Variants in GDA observed in about 807,000 individuals in gnomAD.
GDA encodes the protein cytoplasmic PSD-95 interactor.
In GDA, 18 loss-of-function variants were observed where a neutral mutation model predicts 59.6. That is an observed-to-expected ratio of 0.30 (90% CI 0.21 to 0.45). The LOEUF (loss-of-function observed/expected upper bound fraction) is 0.45. GDA is among the 20% of genes least tolerant of loss of function. The pLI is 1.00. For synonymous variants in GDA, 201 were observed against 201.1 expected (o/e 1.00, Z 0.00); for missense variants, 427 against 552.3 (o/e 0.77, Z 2.27).
intron 1 of GDA, among the ~76,000 whole-genome samples, chr9:72,143,546 C>T (rs920856231): frequency 2.6e-5 from 4 of 152,172 alleles, no homozygotes; most frequent in African/African-American, 9.7e-5. Context: ...AAACAGCTGC[C>T]TACATACTAC....
downstream of GDA, among the ~76,000 whole-genome samples, chr9:72,254,410 TA>T (rs1840840839): frequency 4.6e-5 from 7 of 151,438 alleles, no homozygotes. Flanking sequence ...CTAAAAAAAG[TA>T]AAAAATAAAT....
intron 8 of GDA, among the ~76,000 whole-genome samples, chr9:72,227,566 A>G (rs1327198925): frequency 6.6e-6 from 1 of 152,162 alleles, no homozygotes; most frequent in East Asian, 1.9e-4. Flanking sequence ...GTTGCTTCCC[A>G]TATAAACTTA....
At chr9:72,178,138 A>G (rs1830747114) in intron 1 of GDA, among the ~76,000 whole-genome samples, 2 of 152,232 alleles carry the variant, frequency 1.3e-5, no homozygotes, top group South Asian at 4.1e-4. Context: ...GTGACTAGCC[A>G]CACATACTTT....
chr9:72,199,973 A>G lies in GDA; in HGVS notation c.213-2598A>G, dbSNP rs1242531697. On this transcript the variant is annotated intron_variant, in intron 2 of 13. Coordinates refer to ENST00000358399, the MANE Select transcript of GDA (RefSeq NM_004293.5). ...CAACTTCTAGAGTTACCTATATAAG[A>G]CCCTCAAATCTGAATCCTTTCTTTT... Among the ~76,000 whole-genome samples, 3 of 143,918 alleles carry G rather than the reference A, an allele frequency of 2.1e-5. No homozygotes were observed. In the East Asian group the frequency reaches 6.0e-4, roughly 29 times the overall value. The allele number at this position is 143,918 out of a possible 152,430, so 94.4% of individuals were successfully genotyped here.
chr9:72,176,282 C>T (rs1388309892), intron 1 of GDA, among the ~76,000 whole-genome samples: 1 of 152,158 alleles, frequency 6.6e-6, no homozygotes, highest in Non-Finnish European at 1.5e-5. Flanking sequence ...GAAAGCTCCC[C>T]CTAGACAACC....
chr9:72,191,499 T>A (rs1056524306), intron 1 of GDA, among the ~76,000 whole-genome samples: 11 of 135,534 alleles, frequency 8.1e-5, no homozygotes, highest in South Asian at 2.3e-4. Context: ...TGAGACGGAG[T>A]CTTGCTCTTT....
intron 1 of GDA, among the ~76,000 whole-genome samples, chr9:72,185,427 C>T (rs948054880): frequency 2.6e-5 from 4 of 152,148 alleles, no homozygotes; most frequent in African/African-American, 7.2e-5. Context: ...TAACATTATT[C>T]GCCCCATTGT....
At chr9:72,159,435 C>A (rs1052280330) in intron 1 of GDA, among the ~76,000 whole-genome samples, 1 of 151,918 alleles carries the variant, frequency 6.6e-6, no homozygotes, top group African/African-American at 2.4e-5. Context: ...ATAGAACAAA[C>A]CTTTCTCAGC....
intron 1 of GDA, among the ~76,000 whole-genome samples, chr9:72,119,819 A>T (rs530299055): frequency 7.9e-5 from 12 of 152,214 alleles, no homozygotes; most frequent in Non-Finnish European, 1.5e-4. Flanking sequence ...AAGCACAGAG[A>T]ACCAATTAGT....
chr9:72,234,984 C>A (rs551414556), intron 10 of GDA, among the ~76,000 whole-genome samples: 13 of 152,214 alleles, frequency 8.5e-5, no homozygotes, highest in African/African-American at 3.1e-4. Context: ...AAAATATTTT[C>A]CTTAGGAACC....
chr9:72,235,436 T>C (rs1838866106), intron 10 of GDA, among the ~76,000 whole-genome samples: 1 of 152,230 alleles, frequency 6.6e-6, no homozygotes, highest in African/African-American at 2.4e-5. Context: ...TTCTGTCTTA[T>C]AATTTTATTA....
At chr9:72,200,391 T>C (rs184331250) in intron 2 of GDA, among the ~76,000 whole-genome samples, 6 of 151,866 alleles carry the variant, frequency 4.0e-5, no homozygotes, top group Middle Eastern at 3.4e-3. Flanking sequence ...TCCTCCTCTT[T>C]TTCTCCTTCT....
chr9:72,252,470 T>G (rs576649267), downstream of GDA, among the ~76,000 whole-genome samples: 6 of 152,316 alleles, frequency 3.9e-5, no homozygotes, highest in African/African-American at 1.4e-4. Flanking sequence ...TTCAGCATAG[T>G]GTATATTTTA....
chr9:72,218,115 C>A (rs1225698937), intron 5 of GDA, among the ~76,000 whole-genome samples: 1 of 152,070 alleles, frequency 6.6e-6, no homozygotes, highest in Non-Finnish European at 1.5e-5. Context: ...GGTTTTGCTA[C>A]ATTGGCCAGG....
At chr9:72,131,255 G>A (rs925939574) in intron 1 of GDA, among the ~76,000 whole-genome samples, 1 of 152,192 alleles carries the variant, frequency 6.6e-6, no homozygotes, top group Non-Finnish European at 1.5e-5. Flanking sequence ...AAGAGTAGCT[G>A]AAGTAGGTCT....
intron 1 of GDA, among the ~76,000 whole-genome samples, chr9:72,173,185 A>C (rs1368465611): frequency 6.6e-6 from 1 of 152,124 alleles, no homozygotes; most frequent in Non-Finnish European, 1.5e-5. Flanking sequence ...GAATCTCTAG[A>C]TTCTCCTTTG....
intron 1 of GDA, among the ~76,000 whole-genome samples, chr9:72,195,282 G>GA (rs1475993578): frequency 6.8e-6 from 1 of 146,842 alleles, no homozygotes; most frequent in Non-Finnish European, 1.5e-5. Context: ...TATTATGGCA[G>GA]AAAAGGAGGA....
intron 6 of GDA, among the ~76,000 whole-genome samples, chr9:72,221,708 C>T (rs1215972554): frequency 6.6e-6 from 1 of 152,342 alleles, no homozygotes; most frequent in Non-Finnish European, 1.5e-5. Context: ...CTCCCTCCTT[C>T]CATCCTCTAC....
At chr9:72,246,121 T>C (rs1159584628) in intron 12 of GDA, among the ~76,000 whole-genome samples, 1 of 152,190 alleles carries the variant, frequency 6.6e-6, no homozygotes, top group African/African-American at 2.4e-5. Context: ...GAGACAGATT[T>C]AACAGGAGAA....
Sources: gnomAD v4.1 joint callset for allele counts (sites outside exome capture counted in the v4.1 genomes callset) on GRCh38, gnomAD v4.1.1 for gene constraint, MANE v1.5 for transcripts, NCBI Gene and HGNC (gene_info 2026-07-23, HGNC 2026-07-21) for gene names.